Variants in NAV2 observed in about 807,000 individuals in gnomAD.
The protein encoded by NAV2 is helicase, APC down-regulated 1.
In NAV2, 54 loss-of-function variants were observed where a neutral mutation model predicts 223.2. The observed-to-expected ratio is 0.24, with a 90% CI of 0.19 to 0.30. NAV2 has a LOEUF of 0.30. Among genes scored for constraint, NAV2 ranks in the 10% least tolerant of loss-of-function variants. The probability of loss-of-function intolerance (pLI) is 1.00; values close to 1 mark genes in which losing one functional copy is unlikely to be tolerated. For missense variants in NAV2, 2,806 were observed against 3,147.5 expected, an observed-to-expected ratio of 0.89 and a Z score of 2.60; for synonymous variants, 1,279 against 1,239.3, an observed-to-expected ratio of 1.03 and a Z score of -0.67.
intron 1 of NAV2, among the ~76,000 whole-genome samples, chr11:19,757,009 A>AGCTGGGCTGAGCTGGGCTGG (rs1565262977): frequency 1.3e-5 from 2 of 151,238 alleles, no homozygotes; most frequent in Non-Finnish European, 3.0e-5. Flanking sequence ...GGCTGGACTG[A>AGCTGGGCTGAGCTGGGCTGG]GCTGGGCTGG....
At chr11:19,996,259 A>G (rs1591585881) in intron 11 of NAV2, among the ~76,000 whole-genome samples, 1 of 152,206 alleles carries the variant, frequency 6.6e-6, no homozygotes, top group Non-Finnish European at 1.5e-5. Context: ...TTATCCTTCC[A>G]AAAAGCAAAC....
At position 19,704,874 on chromosome 11, in the gene NAV2, C is replaced by T. The variant is rs185629180; in HGVS notation, c.76-127610C>T. On this transcript the variant is annotated intron_variant, in intron 1 of 37. Coordinates refer to the NAV2 transcript ENST00000360655. ...AAAAATACAAAAATTAGCCGGGCGT[C>T]GTGGCGGGCGCCTGTAGTCCCAGCT... is the stretch of plus-strand genomic sequence containing the variant. 3.6e-3 allele frequency among the ~76,000 whole-genome samples: 549 copies of T among 151,366 alleles called. 3 individuals carry two copies. Among genetic ancestry groups the T allele is most frequent in the African/African-American group, 0.013 (531 of 41,294 alleles).
intron 10 of NAV2, among the ~76,000 whole-genome samples, chr11:19,968,018 T>A (rs893529343): frequency 5.9e-5 from 9 of 152,190 alleles, no homozygotes; most frequent in African/African-American, 1.9e-4. Context: ...CACACCTCCC[T>A]GCTGCCCCAG....
At chr11:20,107,451 G>C (rs930011353) in intron 35 of NAV2, 1 of 577,964 alleles carries the variant, frequency 1.7e-6, no homozygotes, top group Admixed American at 2.8e-5. Flanking sequence ...GCCTTTCCTG[G>C]AGGAGGGAGA....
chr11:19,814,483 T>A (rs1268663086), intron 1 of NAV2, among the ~76,000 whole-genome samples: 1 of 152,218 alleles, frequency 6.6e-6, no homozygotes, highest in African/African-American at 2.4e-5. Context: ...TTTGGGAGCA[T>A]GCATTCACAG....
At chr11:19,603,293 A>G (rs1365178998) in intron 1 of NAV2, among the ~76,000 whole-genome samples, 1 of 152,084 alleles carries the variant, frequency 6.6e-6, no homozygotes, top group Non-Finnish European at 1.5e-5. Flanking sequence ...ACAGTTATAA[A>G]CACCCACTAT....
At chr11:19,741,250 A>C (rs2052768531) in intron 1 of NAV2, among the ~76,000 whole-genome samples, 1 of 152,176 alleles carries the variant, frequency 6.6e-6, no homozygotes, top group Non-Finnish European at 1.5e-5. Context: ...ATCTCATATA[A>C]GTATCTTTAT....
rs145254421 is a variant in NAV2, at chr11:19,976,019, T to C, written c.2646-8106T>C. 5.0e-3 allele frequency among the ~76,000 whole-genome samples: 766 copies of C among 152,330 alleles called. 5 individuals are homozygous for C. Among genetic ancestry groups the C allele is most frequent in the Non-Finnish European group, 8.0e-3 (543 of 68,032 alleles). On this transcript the variant is annotated intron_variant, in intron 10 of 37. Coordinates refer to ENST00000349880, the MANE Select transcript of NAV2 (RefSeq NM_145117.5). ...TTTTTAAAATATATATGTGCCATGC[T>C]ATTGAAATATTGCATATACTCTATA...
At chr11:19,893,258 G>A (rs2041667893) in intron 6 of NAV2, among the ~76,000 whole-genome samples, 1 of 152,030 alleles carries the variant, frequency 6.6e-6, no homozygotes, top group Non-Finnish European at 1.5e-5. Context: ...GCTTGTTTCA[G>A]CCTCTATCTC....
At chr11:20,087,644 G>T (rs1157296264) in intron 26 of NAV2, among the ~76,000 whole-genome samples, 2 of 152,224 alleles carry the variant, frequency 1.3e-5, no homozygotes, top group African/African-American at 2.4e-5. Context: ...AAGGGACTGA[G>T]TAGGGAAAAA....
chr11:19,510,944 C>T (rs199868901), intron 1 of NAV2: 5 of 152,166 alleles, frequency 3.3e-5, no homozygotes, highest in East Asian at 3.8e-4. Flanking sequence ...TGGAGTTACA[C>T]GATATTTATT....
chr11:19,971,685 A>G lies in NAV2; in HGVS notation c.2646-12440A>G, dbSNP rs573551123. Among the ~76,000 whole-genome samples, 5 of 152,300 alleles carry G rather than the reference A, an allele frequency of 3.3e-5. No homozygotes were observed. In the East Asian group the frequency reaches 7.7e-4, roughly 24 times the overall value. Reference sequence around the variant, plus strand: ...GACAATGACTGATTTCCATCCTCACATATTTTAACTCAATGTTTTTCAAAC... The same window carrying G: ...GACAATGACTGATTTCCATCCTCACGTATTTTAACTCAATGTTTTTCAAAC... On this transcript the variant is annotated intron_variant, in intron 10 of 37. Coordinates refer to ENST00000349880, the MANE Select transcript of NAV2 (RefSeq NM_145117.5).
intron 1 of NAV2, among the ~76,000 whole-genome samples, chr11:19,458,729 C>T (rs1422043959): frequency 6.6e-6 from 1 of 152,212 alleles, no homozygotes; most frequent in East Asian, 1.9e-4. Context: ...TTAACCAGTT[C>T]TCTACACATG....
intron 1 of NAV2, among the ~76,000 whole-genome samples, chr11:19,617,904 C>T (rs1032488726): frequency 3.3e-5 from 5 of 152,286 alleles, no homozygotes; most frequent in Admixed American, 3.3e-4. Context: ...TTTGCACTTG[C>T]CACTTGCAGA....
At chr11:19,943,075 T>C (rs935129731) in intron 8 of NAV2, among the ~76,000 whole-genome samples, 1 of 152,254 alleles carries the variant, frequency 6.6e-6, no homozygotes, top group Admixed American at 6.5e-5. Context: ...ATGGCTATTA[T>C]ATTTTGTGCG....
intron 1 of NAV2, among the ~76,000 whole-genome samples, chr11:19,389,391 C>A (rs1039691611): frequency 6.6e-6 from 1 of 152,196 alleles, no homozygotes; most frequent in Non-Finnish European, 1.5e-5. Context: ...ATTGGAAGCA[C>A]GATGTTCTTT....
intron 1 of NAV2, among the ~76,000 whole-genome samples, chr11:19,580,396 A>G (rs2045682744): frequency 6.6e-6 from 1 of 152,066 alleles, no homozygotes. Context: ...TGAGAAGTCC[A>G]AGATCAAGGG....
intron 5 of NAV2, among the ~76,000 whole-genome samples, chr11:19,889,832 G>A (rs1317222732): frequency 6.6e-6 from 1 of 152,204 alleles, no homozygotes; most frequent in African/African-American, 2.4e-5. Context: ...TTTCTCTTCT[G>A]GAATGTTCCT....
In NAV2 at chr11:19,592,276, C is replaced by T. The variant is rs76891423; in HGVS notation, c.76-240208C>T. On this transcript the variant is annotated intron_variant, in intron 1 of 37. Coordinates refer to the NAV2 transcript ENST00000360655. ...GTTACTGTTGTTTAAGCACTCCCAC[C>T]GCTTAATGATCAGGTTCTCTCTGCC... Among the ~76,000 whole-genome samples, 1,493 of 152,162 alleles carry T rather than the reference C, an allele frequency of 9.8e-3. 14 individuals are homozygous for T. Among genetic ancestry groups the T allele is most frequent in the South Asian group, 0.039 (187 of 4,800 alleles).
Sources: gnomAD v4.1 joint callset for allele counts (sites outside exome capture counted in the v4.1 genomes callset) on GRCh38, gnomAD v4.1.1 for gene constraint, MANE v1.5 for transcripts, NCBI Gene and HGNC (gene_info 2026-07-23, HGNC 2026-07-21) for gene names.